The following PAG1 variants were observed in gnomAD, a reference collection of about 807,000 sequenced individuals.
PAG1 encodes the protein phosphoprotein membrane anchor with glycosphingolipid microdomains 1, also known as phosphoprotein associated with glycosphingolipid-enriched microdomains 1.
PAG1 carries 23 observed loss-of-function variants against 31.7 expected under a neutral mutation model. The ratio of observed to expected loss-of-function variants is 0.73; its 90% confidence interval spans 0.52 to 1.03. The LOEUF (loss-of-function observed/expected upper bound fraction) is 1.03. Among genes scored for constraint, PAG1 ranks in the 50% least tolerant of loss-of-function variants. PAG1 has a pLI of 0.00. For synonymous variants in PAG1, 214 were observed against 210.3 expected (o/e 1.02, Z -0.15); for missense variants, 473 against 540.7 (o/e 0.87, Z 1.24).
At chr8:81,005,733 T>A (rs1388243427) in intron 3 of PAG1, among the ~76,000 whole-genome samples, 1 of 152,078 alleles carries the variant, frequency 6.6e-6, no homozygotes, top group Admixed American at 6.5e-5. Context: ...GTCCTGCAGG[T>A]CCGTTCAGCA....
Position 81,053,950 on chromosome 8 carries a change from C to A in PAG1, c.-175+16162G>T, listed in dbSNP as rs146205830. On this transcript the variant is annotated intron_variant, in intron 2 of 8. Coordinates refer to ENST00000220597, the MANE Select transcript of PAG1 (RefSeq NM_018440.4). ...GCTTTGCAGGCCATAGGATCTCTCA[C>A]ATCTACTCACCTCTGACACTATTGC... is the stretch of plus-strand genomic sequence containing the variant. Among the ~76,000 whole-genome samples, 15 of 152,298 alleles carry A rather than the reference C, an allele frequency of 9.8e-5. No homozygotes were observed. In the East Asian group the frequency reaches 2.7e-3, roughly 27 times the overall value.
intron 2 of PAG1, among the ~76,000 whole-genome samples, chr8:81,055,819 CTT>C (rs548655240): frequency 0.017 from 2,607 of 152,276 alleles, 39 homozygotes; most frequent in African/African-American, 0.059. Flanking sequence ...TATCCTGAGA[CTT>C]TGCTGAAATT....
In PAG1 at chr8:80,975,990, A is replaced by G. The variant is rs1235504465; in HGVS notation, c.*554T>C. On this transcript the variant is annotated 3_prime_UTR_variant, in exon 9 of 9. Coordinates refer to ENST00000220597, the MANE Select transcript of PAG1 (RefSeq NM_018440.4). The stretch of plus-strand genomic sequence containing the variant: ...GGGGAGGACTGGCGAGCTGGGCAGA[A>G]AGCAGCAGCCATGGTTTGTCACCAT... 6.5e-6 allele frequency: 1 copy of G among 152,860 alleles called. No individual in the cohort carries two copies. Among genetic ancestry groups the G allele is most frequent in the African/African-American group, 2.4e-5 (1 of 41,456 alleles). 9.5% of individuals were successfully genotyped at this position (152,860 alleles called of 1,614,324 possible).
chr8:81,074,453 A>G (rs1363525226), intron 1 of PAG1, among the ~76,000 whole-genome samples: 2 of 152,226 alleles, frequency 1.3e-5, no homozygotes, highest in African/African-American at 4.8e-5. Context: ...GAAAATTAGC[A>G]GGATCACTGG....
chr8:81,073,559 G>A (rs746677881), intron 1 of PAG1, among the ~76,000 whole-genome samples: 1 of 152,138 alleles, frequency 6.6e-6, no homozygotes, highest in Non-Finnish European at 1.5e-5. Context: ...TACATGTGTG[G>A]ATATGCAGTT....
intron 2 of PAG1, among the ~76,000 whole-genome samples, chr8:81,047,453 T>A (rs2705498): frequency 4.6e-5 from 7 of 152,010 alleles, no homozygotes; most frequent in African/African-American, 1.2e-4. Context: ...GATTTTGAGC[T>A]TTTTTTCATA....
chr8:81,053,794 T>C (rs562454737), intron 2 of PAG1, among the ~76,000 whole-genome samples: 5 of 152,294 alleles, frequency 3.3e-5, no homozygotes, highest in East Asian at 1.9e-4. Context: ...TTAAGGTAGA[T>C]ATGGGGCATG....
chr8:81,042,428 T>C (rs1808569536), intron 2 of PAG1, among the ~76,000 whole-genome samples: 1 of 152,242 alleles, frequency 6.6e-6, no homozygotes, highest in Non-Finnish European at 1.5e-5. Flanking sequence ...TCTGCTATGT[T>C]AACATTACCT....
chr8:81,030,807 T>A (rs1808367058), intron 2 of PAG1, among the ~76,000 whole-genome samples: 1 of 152,068 alleles, frequency 6.6e-6, no homozygotes, highest in South Asian at 2.1e-4. Flanking sequence ...CTCAAATAAG[T>A]CTCTCCCATA....
chr8:80,978,229 A>T (rs1807223285), intron 8 of PAG1, among the ~76,000 whole-genome samples: 1 of 152,234 alleles, frequency 6.6e-6, no homozygotes, highest in Non-Finnish European at 1.5e-5. Flanking sequence ...GAAAACTCTT[A>T]CTATGTTGAT....
At chr8:81,095,094 A>C (rs189743388) in intron 1 of PAG1, among the ~76,000 whole-genome samples, 5 of 152,346 alleles carry the variant, frequency 3.3e-5, no homozygotes, top group African/African-American at 7.2e-5. Flanking sequence ...GTTTTAATGA[A>C]GTCTTCGATG....
In PAG1 at chr8:80,991,632, C is replaced by T. The variant is rs909268906; in HGVS notation, c.126-102G>A. ...AATTCTTATCAGCTTTTAAATCTCT[C>T]GTTTTAAGAACCATGTTTATTTTGT... On this transcript the variant is annotated intron_variant, in intron 4 of 8. Transcript: ENST00000220597. 802 of 813,066 alleles carry T rather than the reference C, an allele frequency of 9.9e-4. 6 individuals carry two copies. Among genetic ancestry groups the T allele is most frequent in the Non-Finnish European group, 1.5e-4 (71 of 467,862 alleles). The allele number at this position is 813,066 out of a possible 1,614,324, so 50.4% of individuals were successfully genotyped here. A position where few individuals can be genotyped will look rare whatever the true frequency, so the allele number is the denominator to read the frequency against.
At chr8:80,976,957 C>A (rs997799970) in intron 8 of PAG1, 51 bp from the exon 9 acceptor site, 1 of 1,539,754 alleles carries the variant, frequency 6.5e-7, no homozygotes. Context: ...ACTTCCCCCT[C>A]CCTCTTTTTA....
intron 1 of PAG1, among the ~76,000 whole-genome samples, chr8:81,095,047 G>A (rs1457869831): frequency 6.6e-6 from 1 of 152,222 alleles, no homozygotes; most frequent in Non-Finnish European, 1.5e-5. Context: ...ATTTCTCAAA[G>A]ATTGGTCCAT....
At chr8:81,070,582 C>T (rs1022282013) in intron 1 of PAG1, among the ~76,000 whole-genome samples, 1 of 151,790 alleles carries the variant, frequency 6.6e-6, no homozygotes, top group Non-Finnish European at 1.5e-5. Flanking sequence ...CCCCTAGAGC[C>T]CATGTGCAAT....
intron 3 of PAG1, among the ~76,000 whole-genome samples, chr8:81,020,508 T>A (rs1417843392): frequency 6.6e-6 from 1 of 151,838 alleles, no homozygotes; most frequent in Non-Finnish European, 1.5e-5. Flanking sequence ...TAAATGGGAG[T>A]TCCCCTGCAC....
At position 81,105,961 on chromosome 8, in the gene PAG1, T is replaced by A. The variant is rs989617371; in HGVS notation, c.-234+5630A>T. Among the ~76,000 whole-genome samples the A allele has an allele frequency of 2.0e-5, 3 of 152,202 alleles. 1 individual carries two copies. The highest frequency in any genetic ancestry group is 4.1e-4 in the South Asian group (2 of 4,830). ...ACCTGATTACTTGCAAATGAATACA[T>A]GATACGGTACCTAGGGATTGGGTCA... On this transcript the variant is annotated intron_variant, in intron 1 of 8. Transcript: ENST00000220597.
intron 2 of PAG1, chr8:81,036,985 A>G (rs1808472420): frequency 6.6e-6 from 1 of 152,132 alleles, no homozygotes; most frequent in Non-Finnish European, 1.5e-5. Flanking sequence ...GAAAAAATGG[A>G]AGCAGCAAGA....
Position 80,985,194 on chromosome 8 carries a change from C to G in PAG1, c.458G>C (p.Gly153Ala), listed in dbSNP as rs751631840. The change falls in exon 7 of 9, where the codon GGG becomes GCG. Residue 153 changes from glycine (G) to alanine (A), a missense_variant. Gly to Ala is a moderately conservative substitution (Grantham distance 60). Transcript: ENST00000220597. ...CCCTTCCATCCCCAGCCCCTGGTCCCCGTCCACACTTCTCGCCGTGAGCAT... is the reference window on the plus strand; with the variant it reads ...CCCTTCCATCCCCAGCCCCTGGTCCGCGTCCACACTTCTCGCCGTGAGCAT... ...DTMLTARSVD[G>A]DQGLGMEGPY... The G allele has an allele frequency of 6.2e-7, 1 of 1,614,160 alleles. No individual in the cohort carries two copies. Among genetic ancestry groups the G allele is most frequent in the Non-Finnish European group, 8.5e-7 (1 of 1,180,030 alleles).
Sources: gnomAD v4.1 joint callset for allele counts (sites outside exome capture counted in the v4.1 genomes callset) on GRCh38, gnomAD v4.1.1 for gene constraint, MANE v1.5 for transcripts, NCBI Gene and HGNC (gene_info 2026-07-23, HGNC 2026-07-21) for gene names.